The following TUSC3 variants were observed in gnomAD, a reference collection of about 807,000 sequenced individuals.
TUSC3 encodes tumor suppressor candidate 3.
A neutral mutation model predicts 44.8 loss-of-function variants in TUSC3; 45 were observed. The ratio of observed to expected loss-of-function variants is 1.00; its 90% CI spans 0.79 to 1.29. The LOEUF (loss-of-function observed/expected upper bound fraction) is 1.29, where lower values mean the gene tolerates loss of function less well. Among genes scored for constraint, TUSC3 ranks in the 50% most tolerant of loss-of-function variants. The pLI, the probability that TUSC3 is intolerant of heterozygous loss-of-function variation, is 0.00. For synonymous variants in TUSC3, 212 were observed against 152.9 expected (o/e 1.39, Z -2.85); for missense variants, 519 against 437.9 (o/e 1.19, Z -1.65).
intron 2 of TUSC3, among the ~76,000 whole-genome samples, chr8:15,648,741 A>G (rs1013301366): frequency 6.8e-5 from 10 of 147,024 alleles, no homozygotes; most frequent in African/African-American, 2.5e-4. Context: ...AAAAAAAAAA[A>G]AAAAAAAAAA....
chr8:15,639,231 T>C (rs1160241118), intron 2 of TUSC3, among the ~76,000 whole-genome samples: 3 of 151,550 alleles, frequency 2.0e-5, no homozygotes, highest in African/African-American at 7.2e-5. Context: ...GATCACGTGA[T>C]GTTCAGCGCT....
intron 1 of TUSC3, among the ~76,000 whole-genome samples, chr8:15,578,077 T>C (rs1479448099): frequency 2.0e-5 from 3 of 150,764 alleles, no homozygotes; most frequent in Non-Finnish European, 3.0e-5. Flanking sequence ...TTTGAAGCAA[T>C]TGTGAATGGG....
chr8:15,593,944 A>C (rs1803961044), intron 1 of TUSC3, among the ~76,000 whole-genome samples: 1 of 152,104 alleles, frequency 6.6e-6, no homozygotes, highest in Admixed American at 6.6e-5. Flanking sequence ...TTCCCTGATC[A>C]TTAAAATCAC....
intron 2 of TUSC3, among the ~76,000 whole-genome samples, chr8:15,511,819 C>G (rs1172576542): frequency 1.3e-5 from 2 of 151,168 alleles, no homozygotes; most frequent in East Asian, 1.9e-4. Context: ...TGCAGTGAGC[C>G]AAGATTGCGC....
Position 15,580,851 on chromosome 8 carries a change from C to G in TUSC3, c.138+40283C>G, listed in dbSNP as rs903253597. On this transcript the variant is annotated intron_variant, in intron 1 of 10. Transcript: ENST00000503731. The stretch of plus-strand genomic sequence containing the variant: ...GTGGCATTCCCTGTATTTCCTTAAT[C>G]TGAACGTTGGCCTGCCTTGCTAGAT... Among the ~76,000 whole-genome samples the G allele has an allele frequency of 1.0e-4, 15 of 144,122 alleles. 1 individual carries two copies. Among genetic ancestry groups the G allele is most frequent in the Non-Finnish European group, 1.8e-4 (12 of 66,424 alleles). 94.5% of individuals were successfully genotyped at this position (144,122 alleles called of 152,430 possible).
chr8:15,615,967 G>T (rs187357351), intron 1 of TUSC3, among the ~76,000 whole-genome samples: 195 of 152,254 alleles, frequency 1.3e-3, no homozygotes, highest in African/African-American at 4.5e-3. Flanking sequence ...GAGTAGCTAG[G>T]ACCACGTGAA....
the TUSC3 span, among the ~76,000 whole-genome samples, chr8:15,833,765 C>T: frequency 6.6e-6 from 1 of 151,660 alleles, no homozygotes; most frequent in African/African-American, 2.4e-5. Flanking sequence ...GGTGACAAAA[C>T]AATCTGTACA....
intron 8 of TUSC3, among the ~76,000 whole-genome samples, chr8:15,747,701 T>G (rs1006079452): frequency 2.0e-5 from 3 of 152,054 alleles, no homozygotes; most frequent in Non-Finnish European, 4.4e-5. Context: ...AGAGGAATAT[T>G]GAAAACCTAG....
At chr8:15,420,427 A>G (rs1315457887) in intron 1 of TUSC3, among the ~76,000 whole-genome samples, 2 of 151,800 alleles carry the variant, frequency 1.3e-5, no homozygotes, top group African/African-American at 4.8e-5. Flanking sequence ...GAACCTGGGA[A>G]GTGGAGGTTA....
At chr8:15,658,342 A>C (rs539716488) in intron 3 of TUSC3, among the ~76,000 whole-genome samples, 40 of 152,258 alleles carry the variant, frequency 2.6e-4, no homozygotes, top group African/African-American at 8.7e-4. Context: ...TGTCTTGTAA[A>C]TAATGACTGC....
At chr8:15,631,805 A>T (rs1009008144) in intron 2 of TUSC3, among the ~76,000 whole-genome samples, 5 of 151,982 alleles carry the variant, frequency 3.3e-5, no homozygotes, top group Admixed American at 3.3e-4. Context: ...TCACGGGTTC[A>T]AGCGATTCTC....
At position 15,659,544 on chromosome 8, in the gene TUSC3, C is replaced by T; in HGVS notation, c.464C>T (p.Pro155Leu). Reference sequence around the variant, plus strand: ...TCTGCTCCTACATTCATGCATTTTCCTCCAAAAGGCAGACCTAAGAGAGCT... The same window carrying T: ...TCTGCTCCTACATTCATGCATTTTCTTCCAAAAGGCAGACCTAAGAGAGCT... Reference protein sequence around the residue: ...MNSAPTFMHFPPKGRPKRADT... With the variant: ...MNSAPTFMHFLPKGRPKRADT... Residue 155 changes from proline to leucine, a missense_variant, in exon 4 of 11, where the codon CCT becomes CTT. By Grantham distance (98) the Pro-to-Leu change is moderately conservative. Coordinates refer to ENST00000503731, the MANE Select transcript of TUSC3 (RefSeq NM_006765.4). The T allele has an allele frequency of 1.9e-6, 3 of 1,613,154 alleles. No homozygotes were observed. Among genetic ancestry groups the T allele is most frequent in the Non-Finnish European group, 2.5e-6 (3 of 1,179,642 alleles).
chr8:15,572,507 A>G (rs939752846), intron 1 of TUSC3, among the ~76,000 whole-genome samples: 19 of 152,262 alleles, frequency 1.2e-4, no homozygotes, highest in African/African-American at 4.3e-4. Context: ...CTTTCTTACC[A>G]TTGATGTGTT....
chr8:15,714,827 A>C (rs1389798625), intron 6 of TUSC3, among the ~76,000 whole-genome samples: 1 of 152,174 alleles, frequency 6.6e-6, no homozygotes, highest in Non-Finnish European at 1.5e-5. Flanking sequence ...CAATTCTGGT[A>C]GATGTTAGTT....
chr8:15,424,500 G>C (rs1049015177), intron 1 of TUSC3, among the ~76,000 whole-genome samples: 1 of 152,106 alleles, frequency 6.6e-6, no homozygotes, highest in African/African-American at 2.4e-5. Context: ...TGAGATTAAC[G>C]TTTCTGGGCA....
chr8:15,467,330 A>T (rs559514184), intron 1 of TUSC3, among the ~76,000 whole-genome samples: 83 of 152,112 alleles, frequency 5.5e-4, no homozygotes, highest in Middle Eastern at 6.8e-3. Flanking sequence ...TTCTCTCACA[A>T]TAATCCTCCT....
At chr8:15,790,461 G>A in the TUSC3 span, among the ~76,000 whole-genome samples, 60 of 151,994 alleles carry the variant, frequency 3.9e-4, no homozygotes, top group Non-Finnish European at 7.6e-4. Context: ...GGGATTACAG[G>A]CATGAGCCAC....
At chr8:15,531,376 C>T (rs1471776017) in intron 2 of TUSC3, among the ~76,000 whole-genome samples, 4 of 152,096 alleles carry the variant, frequency 2.6e-5, no homozygotes, top group African/African-American at 7.2e-5. Flanking sequence ...CTCAGCCTCC[C>T]GCATAGCTGG....
chr8:15,633,347 C>A (rs549128570), intron 2 of TUSC3, among the ~76,000 whole-genome samples: 1 of 152,148 alleles, frequency 6.6e-6, no homozygotes, highest in Non-Finnish European at 1.5e-5. Context: ...TGAGTTGAGG[C>A]TGAAGTGGTA....
Sources: allele counts gnomAD v4.1 joint callset (sites outside exome capture counted in the v4.1 genomes callset), GRCh38; gene constraint gnomAD v4.1.1; transcripts MANE v1.5; gene names NCBI Gene and HGNC (gene_info 2026-07-23, HGNC 2026-07-21).